Variants in IRAK3 observed in about 807,000 individuals in gnomAD.
IRAK3 encodes the protein interleukin-1 receptor-associated kinase 3.
In IRAK3, 57 loss-of-function variants were observed where a neutral mutation model predicts 56.6. The ratio of observed to expected loss-of-function variants is 1.01; its 90% CI spans 0.81 to 1.26. IRAK3 has a LOEUF of 1.26. IRAK3 is among the 50% of genes most tolerant of loss of function. IRAK3 has a pLI of 0.00. For synonymous variants in IRAK3, 258 were observed against 255.7 expected (o/e 1.01, Z -0.09); for missense variants, 703 against 719.0 (o/e 0.98, Z 0.25).
intron 8 of IRAK3, among the ~76,000 whole-genome samples, chr12:66,236,120 A>G (rs1856952430): frequency 6.6e-6 from 1 of 152,230 alleles, no homozygotes; most frequent in Admixed American, 6.5e-5. Context: ...AAAGTTGGAA[A>G]ATCATTATTC....
At chr12:66,226,054 G>A (rs1052819925) in intron 6 of IRAK3, among the ~76,000 whole-genome samples, 1 of 152,140 alleles carries the variant, frequency 6.6e-6, no homozygotes, top group Non-Finnish European at 1.5e-5. Flanking sequence ...AATAAGTCAT[G>A]TTGTCTTTCA....
intron 8 of IRAK3, among the ~76,000 whole-genome samples, chr12:66,237,047 TG>T (rs1419727176): frequency 6.6e-6 from 1 of 152,084 alleles, no homozygotes; most frequent in African/African-American, 2.4e-5. Flanking sequence ...GTGTGGCCTT[TG>T]GGGTCACATA....
At chr12:66,212,690 C>T (rs1592584676) in intron 5 of IRAK3, among the ~76,000 whole-genome samples, 2 of 152,210 alleles carry the variant, frequency 1.3e-5, no homozygotes, top group East Asian at 1.9e-4. Context: ...TAGCAACTCT[C>T]ACAGCCATAA....
chr12:66,213,809 C>G (rs1045636160), intron 5 of IRAK3, among the ~76,000 whole-genome samples: 3 of 151,068 alleles, frequency 2.0e-5, no homozygotes, highest in African/African-American at 7.3e-5. Flanking sequence ...GATAGCGACT[C>G]TCTCCTCCCA....
intron 1 of IRAK3, among the ~76,000 whole-genome samples, chr12:66,200,439 G>C (rs1031223712): frequency 5.3e-5 from 8 of 152,202 alleles, no homozygotes; most frequent in African/African-American, 1.9e-4. Context: ...CTGGCTGGAA[G>C]AGACACAGAG....
chr12:66,246,254 A>G (rs911877656), intron 11 of IRAK3, among the ~76,000 whole-genome samples: 2 of 152,194 alleles, frequency 1.3e-5, no homozygotes, highest in African/African-American at 4.8e-5. Flanking sequence ...AATACCTGCA[A>G]AGGCTCCAAG....
In IRAK3 at chr12:66,234,668, G is replaced by A. The variant is rs11465975; in HGVS notation, c.887+6298G>A. 9.6e-5 allele frequency: 154 copies of A among 1,610,520 alleles called. No individual in the cohort carries two copies. In the African/African-American group the frequency reaches 1.5e-3, roughly 16 times the overall value. On this transcript the variant is annotated intron_variant, in intron 8 of 11. Coordinates refer to ENST00000261233, the MANE Select transcript of IRAK3 (RefSeq NM_007199.3). ...TTCTGTGGGGGCAGAAACTCCTGGT[G>A]GTGTCTTAATAAATTTTCCATTAAA...
rs769774676 is a variant in IRAK3 at position 66,234,210 on chromosome 12, T to C, written c.887+5840T>C. On this transcript the variant is annotated intron_variant, in intron 8 of 11. Transcript: ENST00000261233. ...TACTGTGGCAAGTAGGCTCCTTGCA[T>C]AGCTGACGTTGCAGGCATGTATGTT... 498 of 1,613,924 alleles carry C rather than the reference T, an allele frequency of 3.1e-4. 1 individual carries two copies. Among genetic ancestry groups the C allele is most frequent in the Non-Finnish European group, 6.3e-5 (74 of 1,180,004 alleles).
Position 66,249,848 on chromosome 12 carries a change from A to C in IRAK3, c.*1677A>C, listed in dbSNP as rs1251497705. ...GGGCCCACTCATATAAGCCAGGAAA[A>C]TCTCTGTGTCTCAGATCCTTAATTT... is the stretch of plus-strand genomic sequence containing the variant. On this transcript the variant is annotated 3_prime_UTR_variant, in exon 12 of 12. Coordinates refer to ENST00000261233, the MANE Select transcript of IRAK3 (RefSeq NM_007199.3). 2 of 152,168 alleles carry C rather than the reference A, an allele frequency of 1.3e-5. No individual in the cohort carries two copies. Among genetic ancestry groups the C allele is most frequent in the Non-Finnish European group, 2.9e-5 (2 of 68,042 alleles). 9.4% of individuals were successfully genotyped at this position (152,168 alleles called of 1,614,324 possible). A position where few individuals can be genotyped will look rare whatever the true frequency, so the allele number is the denominator to read the frequency against.
chr12:66,189,287 G>A lies in IRAK3; in HGVS notation c.-13G>A, dbSNP rs1376414344. ...GGACTCCGCCTCGTCCCCGGGGCTC[G>A]GGCAGCCGAGCCATGGCGGGGAACT... is the stretch of plus-strand genomic sequence containing the variant. On this transcript the variant is annotated 5_prime_UTR_variant, in exon 1 of 12. Transcript: ENST00000261233. 1.3e-6 allele frequency: 2 copies of A among 1,535,140 alleles called. No homozygotes were observed. The highest frequency in any genetic ancestry group is 1.2e-5 in the South Asian group (1 of 84,174).
rs141049994 is a variant in IRAK3 at position 66,225,830 on chromosome 12, A to G, written c.654-893A>G. On this transcript the variant is annotated intron_variant, in intron 6 of 11. Coordinates refer to ENST00000261233, the MANE Select transcript of IRAK3 (RefSeq NM_007199.3). The stretch of plus-strand genomic sequence containing the variant: ...CAATGGTATGTTCTCAACATCAAAC[A>G]TTACTAGTCATATGGATTTAGACAA... Among the ~76,000 whole-genome samples the G allele has an allele frequency of 2.7e-3, 405 of 152,288 alleles. 1 individual carries two copies. Among genetic ancestry groups the G allele is most frequent in the African/African-American group, 9.0e-3 (374 of 41,568 alleles).
chr12:66,239,299 C>CT (rs10677185), intron 8 of IRAK3, among the ~76,000 whole-genome samples: 20,101 of 144,314 alleles, frequency 0.14, 1,948 homozygotes, highest in East Asian at 0.38. Context: ...TCAAAATGGA[C>CT]TTTTTTTTTT....
At position 66,248,144 on chromosome 12, in the gene IRAK3, T is replaced by C; in HGVS notation, c.1764T>C (p.Asp588=). Residue 588 remains aspartate (D), a synonymous_variant, in exon 12 of 12, where the codon GAT becomes GAC. Coordinates refer to ENST00000261233, the MANE Select transcript of IRAK3 (RefSeq NM_007199.3). ...ESSCSSKFSW[D]EYEQYKKE ...GCTGTTCCTCCAAATTTTCCTGGGA[T>C]GAATATGAACAGTACAAAAAAGAAT... The C allele has an allele frequency of 6.2e-7, 1 of 1,612,726 alleles. No homozygotes were observed.
intron 6 of IRAK3, among the ~76,000 whole-genome samples, chr12:66,221,671 C>G (rs775806868): frequency 1.8e-4 from 28 of 152,272 alleles, no homozygotes; most frequent in South Asian, 4.1e-4. Context: ...CATATTTGCA[C>G]ATGTTGAACC....
At chr12:66,204,796 A>G (rs1205278508) in intron 2 of IRAK3, among the ~76,000 whole-genome samples, 62 of 146,506 alleles carry the variant, frequency 4.2e-4, no homozygotes, top group African/African-American at 1.4e-3. Flanking sequence ...ACACACACAC[A>G]CACACACACA....
rs1349707716 is a variant in IRAK3 at position 66,248,240 on chromosome 12, AGAC to A, written c.*70_*72del. The A allele has an allele frequency of 9.0e-7, 1 of 1,110,696 alleles. No individual in the cohort carries two copies. Among genetic ancestry groups the A allele is most frequent in the African/African-American group, 1.6e-5 (1 of 64,272 alleles). 68.8% of individuals were successfully genotyped at this position (1,110,696 alleles called of 1,614,324 possible). ...CCTGAGCATAGGTATGACCTTGGGA[AGAC>A]ATTGGCTCCATAAGCAATGCCAAGA... On this transcript the variant is annotated 3_prime_UTR_variant, in exon 12 of 12. Coordinates refer to ENST00000261233, the MANE Select transcript of IRAK3 (RefSeq NM_007199.3).
At chr12:66,223,386 G>A (rs1379952259) in intron 6 of IRAK3, among the ~76,000 whole-genome samples, 6 of 151,918 alleles carry the variant, frequency 3.9e-5, no homozygotes, top group African/African-American at 9.7e-5. Context: ...GAGGCCAGGC[G>A]CGGTGGCTCA....
chr12:66,207,269 G>A (rs140530705), intron 2 of IRAK3, among the ~76,000 whole-genome samples: 1,738 of 152,216 alleles, frequency 0.011, 24 homozygotes, highest in African/African-American at 0.04. Context: ...TGAGGAGTTC[G>A]AGACCAGCCT....
Position 66,217,205 on chromosome 12 carries a change from G to C in IRAK3, c.623G>C (p.Arg208Thr). 1.9e-6 allele frequency: 3 copies of C among 1,611,926 alleles called. No individual in the cohort carries two copies. Among genetic ancestry groups the C allele is most frequent in the Non-Finnish European group, 2.5e-6 (3 of 1,178,122 alleles). ...ATGCAGTGTAAGAAGCATTGGAAGA[G>C]GTTTTTATCTGAGCTTGAAGTTTTA... ...KKMQCKKHWK[R>T]FLSELEVLLL... Residue 208 changes from arginine (R) to threonine (T), a missense_variant, in exon 6 of 12, where the codon AGG becomes ACG. Transcript: ENST00000261233.
Sources: gnomAD v4.1 joint callset for allele counts (sites outside exome capture counted in the v4.1 genomes callset) on GRCh38, gnomAD v4.1.1 for gene constraint, MANE v1.5 for transcripts, NCBI Gene and HGNC (gene_info 2026-07-23, HGNC 2026-07-21) for gene names.